Variants in DNAH7 observed in about 807,000 individuals in gnomAD.
DNAH7 encodes dynein axonemal heavy chain 7.
Under a neutral mutation model 444.6 loss-of-function variants are expected in DNAH7, and 397 were observed. That is an observed-to-expected ratio of 0.89 (90% CI 0.82 to 0.97). DNAH7 has a LOEUF of 0.97. DNAH7 is among the 50% of genes least tolerant of loss of function. The probability of loss-of-function intolerance (pLI) is 0.00; values close to 1 mark genes in which losing one functional copy is unlikely to be tolerated. For synonymous variants in DNAH7, 1,636 were observed against 1,624.4 expected (o/e 1.01, Z -0.17); for missense variants, 4,902 against 4,800.8 (o/e 1.02, Z -0.62).
intron 5 of DNAH7, among the ~76,000 whole-genome samples, chr2:196,033,190 T>C (rs1696168479): frequency 6.6e-6 from 1 of 152,192 alleles, no homozygotes. Flanking sequence ...TGTAAATTGA[T>C]GATTTATAGT....
intron 35 of DNAH7, 123 bp from the exon 36 acceptor site, chr2:195,882,115 C>G (rs1212485842): frequency 1.3e-5 from 9 of 709,440 alleles, no homozygotes; most frequent in Non-Finnish European, 2.1e-5. Flanking sequence ...TTGTTTTATC[C>G]TTTAAGACAC....
At chr2:195,830,589 A>G (rs1423568390) in intron 48 of DNAH7, among the ~76,000 whole-genome samples, 1 of 152,230 alleles carries the variant, frequency 6.6e-6, no homozygotes, top group Non-Finnish European at 1.5e-5. Flanking sequence ...AAGGGCAATC[A>G]TGGAAATTCA....
rs749173851 is a variant in DNAH7, at chr2:195,891,822, A to G, written c.4897-18T>C. ...ATTAGCCCCTTAATGAAAAAAAAAAACATTTATTTATGTAAAGAATACTGT... is the reference window on the plus strand; with the variant it reads ...ATTAGCCCCTTAATGAAAAAAAAAAGCATTTATTTATGTAAAGAATACTGT... On this transcript the variant is annotated intron_variant, in intron 30 of 64. Coordinates refer to ENST00000312428, the MANE Select transcript of DNAH7 (RefSeq NM_018897.3). The G allele has an allele frequency of 9.9e-7, 1 of 1,008,032 alleles. No homozygotes were observed. The highest frequency in any genetic ancestry group is 1.6e-5 in the African/African-American group (1 of 63,644). 62.4% of individuals were successfully genotyped at this position (1,008,032 alleles called of 1,614,324 possible).
At chr2:196,010,331 G>T (rs180937654) in intron 10 of DNAH7, among the ~76,000 whole-genome samples, 173 of 152,086 alleles carry the variant, frequency 1.1e-3, no homozygotes, top group African/African-American at 4.0e-3. Context: ...TGTATTTTTA[G>T]TAGAGATAGG....
intron 15 of DNAH7, among the ~76,000 whole-genome samples, chr2:195,974,791 C>T (rs1692074352): frequency 6.6e-6 from 1 of 150,760 alleles, no homozygotes; most frequent in Non-Finnish European, 1.5e-5. Context: ...CACACACACA[C>T]ACACAGTCAC....
At chr2:195,810,456 G>T (rs1181080159) in intron 51 of DNAH7, among the ~76,000 whole-genome samples, 3 of 152,018 alleles carry the variant, frequency 2.0e-5, no homozygotes, top group Non-Finnish European at 4.4e-5. Flanking sequence ...CACCCAGGTT[G>T]GAGTGAGTGC....
intron 12 of DNAH7, among the ~76,000 whole-genome samples, chr2:195,992,170 G>C (rs560705068): frequency 6.6e-6 from 1 of 152,282 alleles, no homozygotes; most frequent in South Asian, 2.1e-4. Flanking sequence ...GGGAAACAGG[G>C]AAAAGCTTGG....
chr2:195,834,147 G>T, intron 48 of DNAH7, 59 bp downstream of exon 48: 14 of 1,517,736 alleles, frequency 9.2e-6, no homozygotes, highest in South Asian at 1.3e-5. Flanking sequence ...TACAGTTTTG[G>T]GTTAATTGTG....
chr2:195,812,191 C>T (rs1411289707), intron 51 of DNAH7, among the ~76,000 whole-genome samples: 1 of 152,100 alleles, frequency 6.6e-6, no homozygotes, highest in African/African-American at 2.4e-5. Context: ...TGCCCTCCTC[C>T]CTAACGCCCT....
intron 14 of DNAH7, among the ~76,000 whole-genome samples, chr2:195,986,566 T>C (rs1037776984): frequency 6.6e-6 from 1 of 152,206 alleles, no homozygotes; most frequent in East Asian, 1.9e-4. Flanking sequence ...TATACACTAG[T>C]ATTCTGTGAG....
At chr2:195,861,113 T>C (rs1699990937) in intron 42 of DNAH7, among the ~76,000 whole-genome samples, 1 of 152,160 alleles carries the variant, frequency 6.6e-6, no homozygotes, top group Admixed American at 6.5e-5. Context: ...CCTTTAAAGG[T>C]AACCACTAAA....
chr2:195,804,766 A>C (rs149391672), intron 54 of DNAH7, among the ~76,000 whole-genome samples: 3 of 152,320 alleles, frequency 2.0e-5, no homozygotes, highest in Non-Finnish European at 2.9e-5. Flanking sequence ...ATGTATGGAC[A>C]CAATCCTCCC....
chr2:195,942,439 G>GAGGAGGAAGAGGAAAA, intron 19 of DNAH7, among the ~76,000 whole-genome samples: 1 of 151,632 alleles, frequency 6.6e-6, no homozygotes, highest in South Asian at 2.1e-4. Context: ...AGAAGATGAA[G>GAGGAGGAAGAGGAAAA]AGGAGGAAGA....
chr2:195,832,183 C>T (rs1698107401), intron 48 of DNAH7, among the ~76,000 whole-genome samples: 1 of 152,104 alleles, frequency 6.6e-6, no homozygotes, highest in African/African-American at 2.4e-5. Context: ...GGTTATCTCT[C>T]CCATGGTTAT....
chr2:195,752,878 G>T (rs1035017883), intron 63 of DNAH7, among the ~76,000 whole-genome samples: 1 of 152,116 alleles, frequency 6.6e-6, no homozygotes, highest in African/African-American at 2.4e-5. Flanking sequence ...GGGGATGAAA[G>T]GTAGATAACT....
rs183814221 is a variant in DNAH7 at position 195,855,609 on chromosome 2, G to A, written c.8595+202C>T. On this transcript the variant is annotated intron_variant, in intron 45 of 64. Transcript: ENST00000312428. The stretch of plus-strand genomic sequence containing the variant: ...TGGGTATTTATATGGCCATTAATAT[G>A]TAATTATTTTAAAATGTCAAAACCA... Among the ~76,000 whole-genome samples, 12 of 152,068 alleles carry A rather than the reference G, an allele frequency of 7.9e-5. No individual in the cohort carries two copies. The South Asian group carries it at 8.3e-4, about 11-fold the overall frequency.
Position 195,891,811 on chromosome 2 carries a change from G to GAA in DNAH7, c.4897-9_4897-8dup. On this transcript the variant is annotated splice_region_variant and splice_polypyrimidine_tract_variant and intron_variant, in intron 30 of 64. Transcript: ENST00000312428. ...TGTTTTCTTCCATTAGCCCCTTAAT[G>GAA]AAAAAAAAAAACATTTATTTATGTA... 5 of 1,226,970 alleles carry GAA rather than the reference G, an allele frequency of 4.1e-6. No individual in the cohort carries two copies. Among genetic ancestry groups the GAA allele is most frequent in the African/African-American group, 3.0e-5 (2 of 67,130 alleles). 76.0% of individuals were successfully genotyped at this position (1,226,970 alleles called of 1,614,324 possible).
chr2:195,973,835 C>T (rs1000600937), intron 15 of DNAH7, among the ~76,000 whole-genome samples: 4 of 152,150 alleles, frequency 2.6e-5, no homozygotes, highest in South Asian at 4.2e-4. Flanking sequence ...TGCCTGTAAC[C>T]CTAGGCTTTT....
chr2:195,976,232 C>T (rs1292818951), intron 15 of DNAH7, among the ~76,000 whole-genome samples: 1 of 152,062 alleles, frequency 6.6e-6, no homozygotes, highest in Non-Finnish European at 1.5e-5. Flanking sequence ...TAGCAACATG[C>T]ACCACAACCT....
Sources: allele counts gnomAD v4.1 joint callset (sites outside exome capture counted in the v4.1 genomes callset), GRCh38; gene constraint gnomAD v4.1.1; transcripts MANE v1.5; gene names NCBI Gene and HGNC (gene_info 2026-07-23, HGNC 2026-07-21).